The following RFTN1 variants were observed in gnomAD, a reference collection of about 807,000 sequenced individuals.
RFTN1 encodes raftlin.
RFTN1 carries 26 observed loss-of-function variants against 46.5 expected under a neutral mutation model. That is an observed-to-expected ratio of 0.56 (90% confidence interval 0.41 to 0.78). The LOEUF (loss-of-function observed/expected upper bound fraction) is 0.78, where lower values mean the gene tolerates loss of function less well. Ranked by LOEUF, RFTN1 falls within the 30% of genes least tolerant of loss-of-function variation. The pLI is 0.00. For missense variants in RFTN1, 693 were observed against 718.7 expected, an observed-to-expected ratio of 0.96 and a Z score of 0.41; for synonymous variants, 261 against 284.2, an observed-to-expected ratio of 0.92 and a Z score of 0.82.
At position 16,443,075 on chromosome 3, in the gene RFTN1, T is replaced by C. The variant is rs1280946118; in HGVS notation, c.146-9038A>G. Among the ~76,000 whole-genome samples, 1 of 152,236 alleles carries C rather than the reference T, an allele frequency of 6.6e-6. No individual in the cohort carries two copies. Among genetic ancestry groups the C allele is most frequent in the Non-Finnish European group, 1.5e-5 (1 of 68,042 alleles). On this transcript the variant is annotated intron_variant, in intron 2 of 9. Coordinates refer to ENST00000334133, the MANE Select transcript of RFTN1 (RefSeq NM_015150.2). This position sits in a 1 kb window ranked among gnomAD's most constrained non-coding sequence, Gnocchi z 5.5. ...CTTCAACATACTGATTTCATTTCCT[T>C]TGGAGAAATACCCAGTAATGGGATT...
At chr3:16,323,302 C>T in intron 9 of RFTN1, 74 bp downstream of exon 9, 1 of 1,164,552 alleles carries the variant, frequency 8.6e-7, no homozygotes. Flanking sequence ...GCTGCCCCCT[C>T]AAATGCTGCA....
intron 7 of RFTN1, chr3:16,339,839 T>C (rs1400463948): frequency 6.6e-6 from 1 of 152,218 alleles, no homozygotes; most frequent in Non-Finnish European, 1.5e-5. Flanking sequence ...TAATTAGTTG[T>C]TGAGTGAGTG....
intron 6 of RFTN1, among the ~76,000 whole-genome samples, chr3:16,365,906 G>A (rs1462818451): frequency 6.6e-6 from 1 of 152,222 alleles, no homozygotes; most frequent in Non-Finnish European, 1.5e-5. Flanking sequence ...GGCAAAAAGA[G>A]AAGTGAGGAT....
intron 2 of RFTN1, chr3:16,482,959 C>G: frequency 2.6e-6 from 2 of 757,942 alleles, no homozygotes; most frequent in Non-Finnish European, 4.2e-6. Context: ...GCAGCAGTAT[C>G]AAGGGCTGCT....
Position 16,418,116 on chromosome 3 carries a change from T to C in RFTN1, c.333-8633A>G, listed in dbSNP as rs2075119098. ...TTGTAACAAGTACTGCTAACACTTATGAGTGCTTTCAATATTGGTAATTAT... is the reference window on the plus strand; with the variant it reads ...TTGTAACAAGTACTGCTAACACTTACGAGTGCTTTCAATATTGGTAATTAT... On this transcript the variant is annotated intron_variant, in intron 3 of 9. Coordinates refer to ENST00000334133, the MANE Select transcript of RFTN1 (RefSeq NM_015150.2). The surrounding 1 kb of genome is among the most constrained non-coding windows in gnomAD (Gnocchi z 5.0). 1.3e-5 allele frequency among the ~76,000 whole-genome samples: 2 copies of C among 152,238 alleles called. No individual in the cohort carries two copies. The highest frequency in any genetic ancestry group is 1.3e-4 in the Admixed American group (2 of 15,286).
At chr3:16,392,098 C>A (rs1313462874) in intron 4 of RFTN1, among the ~76,000 whole-genome samples, 1 of 152,002 alleles carries the variant, frequency 6.6e-6, no homozygotes. Flanking sequence ...TCCCTCCCTG[C>A]AGTGTCCTCT....
At chr3:16,444,319 G>A (rs992354809) in intron 2 of RFTN1, among the ~76,000 whole-genome samples, 1 of 152,166 alleles carries the variant, frequency 6.6e-6, no homozygotes, top group Non-Finnish European at 1.5e-5. Flanking sequence ...TAAACTACTG[G>A]ATTTACAATG....
At chr3:16,414,871 A>G (rs1041268065) in intron 3 of RFTN1, among the ~76,000 whole-genome samples, 3 of 152,196 alleles carry the variant, frequency 2.0e-5, no homozygotes, top group African/African-American at 7.2e-5. Flanking sequence ...GGCTCAGTGC[A>G]GAGGGGTGCA....
intron 2 of RFTN1, among the ~76,000 whole-genome samples, chr3:16,445,483 T>TCTCTCTCTCACACACACACACA (rs1352210263): frequency 7.9e-6 from 1 of 126,778 alleles, no homozygotes; most frequent in African/African-American, 3.1e-5. Flanking sequence ...TCTCTCTCTC[T>TCTCTCTCTCACACACACACACA]CACACACACA....
intron 1 of RFTN1, among the ~76,000 whole-genome samples, chr3:16,511,360 T>C (rs1399211852): frequency 2.0e-5 from 3 of 152,162 alleles, no homozygotes. Context: ...GAATGACCTG[T>C]ACCAACATCT....
chr3:16,419,508 C>T (rs1386498787), intron 3 of RFTN1, among the ~76,000 whole-genome samples: 2 of 152,100 alleles, frequency 1.3e-5, no homozygotes, highest in Admixed American at 6.5e-5. Flanking sequence ...TTTCTTGTCC[C>T]TGCAATTGGT....
At position 16,345,019 on chromosome 3, in the gene RFTN1, C is replaced by G. The variant is rs1266205083; in HGVS notation, c.1146+12913G>C. On this transcript the variant is annotated intron_variant, in intron 7 of 9. Transcript: ENST00000334133. The surrounding 1 kb of genome is among the most constrained non-coding windows in gnomAD (Gnocchi z 5.2). ...GGAAAGCATAAGAAATGGGGGCAGC[C>G]CCCAGGAGCAAGGACCAGCTCCTGG... The G allele has an allele frequency of 6.6e-6, 1 of 152,196 alleles. No homozygotes were observed. Among genetic ancestry groups the G allele is most frequent in the African/African-American group, 2.4e-5 (1 of 41,428 alleles). 9.4% of individuals were successfully genotyped at this position (152,196 alleles called of 1,614,324 possible). A position where few individuals can be genotyped will look rare whatever the true frequency, so the allele number is the denominator to read the frequency against.
intron 2 of RFTN1, among the ~76,000 whole-genome samples, chr3:16,490,808 T>C (rs193050418): frequency 2.0e-5 from 3 of 152,350 alleles, no homozygotes; most frequent in Non-Finnish European, 4.4e-5. Flanking sequence ...AAATCATATA[T>C]AGCCATTAAA....
chr3:16,369,999 G>C, intron 6 of RFTN1, 77 bp downstream of exon 6: 1 of 1,343,714 alleles, frequency 7.4e-7, no homozygotes, highest in Non-Finnish European at 1.1e-6. Flanking sequence ...AGCAGACTCT[G>C]AAGAGGGACT....
In RFTN1 at chr3:16,460,457, C is replaced by T. The variant is rs898160192; in HGVS notation, c.146-26420G>A. 1.3e-5 allele frequency among the ~76,000 whole-genome samples: 2 copies of T among 152,122 alleles called. No homozygotes were observed. Among genetic ancestry groups the T allele is most frequent in the African/African-American group, 4.8e-5 (2 of 41,398 alleles). The stretch of plus-strand genomic sequence containing the variant: ...TTTCCGGAGCCTGGTTTTATCTTAA[C>T]AGCCCTCATACTCCTTGGACCACAC... On this transcript the variant is annotated intron_variant, in intron 2 of 9. Coordinates refer to ENST00000334133, the MANE Select transcript of RFTN1 (RefSeq NM_015150.2). This position sits in a 1 kb window ranked among gnomAD's most constrained non-coding sequence, Gnocchi z 4.8.
At chr3:16,401,544 C>G (rs975990848) in intron 4 of RFTN1, among the ~76,000 whole-genome samples, 4 of 152,210 alleles carry the variant, frequency 2.6e-5, no homozygotes, top group African/African-American at 9.7e-5. Flanking sequence ...TATTCTCCAT[C>G]TCTTCTCAAA....
At position 16,459,164 on chromosome 3, in the gene RFTN1, C is replaced by G. The variant is rs1454045620; in HGVS notation, c.146-25127G>C. Among the ~76,000 whole-genome samples the G allele has an allele frequency of 2.6e-5, 4 of 152,080 alleles. No homozygotes were observed. The highest frequency in any genetic ancestry group is 2.0e-4 in the Admixed American group (3 of 15,268). On this transcript the variant is annotated intron_variant, in intron 2 of 9. Coordinates refer to ENST00000334133, the MANE Select transcript of RFTN1 (RefSeq NM_015150.2). This position sits in a 1 kb window ranked among gnomAD's most constrained non-coding sequence, Gnocchi z 4.2. ...CAGGCTAGTCTTGAACCCCTGGGCT[C>G]AAGCAATCCACTCGCCTTAGCCTCC...
At position 16,473,744 on chromosome 3, in the gene RFTN1, A is replaced by C. The variant is rs528528489; in HGVS notation, c.145+19981T>G. 6.6e-6 allele frequency among the ~76,000 whole-genome samples: 1 copy of C among 152,048 alleles called. No individual in the cohort carries two copies. The highest frequency in any genetic ancestry group is 2.1e-4 in the South Asian group (1 of 4,816). On this transcript the variant is annotated intron_variant, in intron 2 of 9. Transcript: ENST00000334133. This position sits in a 1 kb window ranked among gnomAD's most constrained non-coding sequence, Gnocchi z 5.3. The stretch of plus-strand genomic sequence containing the variant: ...TTCTTGAAAGCATTCTATTAGTACA[A>C]GGCATTTTTACTTTCTTCCACCCTG...
chr3:16,489,664 T>C lies in RFTN1; in HGVS notation c.145+4061A>G, dbSNP rs190814180. Among the ~76,000 whole-genome samples the C allele has an allele frequency of 1.3e-4, 20 of 152,024 alleles. No homozygotes were observed. Among genetic ancestry groups the C allele is most frequent in the Admixed American group, 1.2e-3 (18 of 15,278 alleles). ...GGCTCATGCCTGTAAGCCCAGCACT[T>C]TGGGAGGCCGAGGTGGGTGGACCAC... On this transcript the variant is annotated intron_variant, in intron 2 of 9. Coordinates refer to ENST00000334133, the MANE Select transcript of RFTN1 (RefSeq NM_015150.2). This position sits in a 1 kb window ranked among gnomAD's most constrained non-coding sequence, Gnocchi z 4.0.
Sources: allele counts gnomAD v4.1 joint callset (sites outside exome capture counted in the v4.1 genomes callset), GRCh38; gene constraint gnomAD v4.1.1; non-coding constraint Gnocchi (gnomAD v3.1); transcripts MANE v1.5; gene names NCBI Gene and HGNC (gene_info 2026-07-23, HGNC 2026-07-21).